Variants in LCMT1 observed in about 807,000 individuals in gnomAD.
LCMT1 encodes leucine carboxyl methyltransferase 1.
Under a neutral mutation model 47.7 loss-of-function variants are expected in LCMT1, and 32 were observed. The ratio of observed to expected loss-of-function variants is 0.67; its 90% CI spans 0.51 to 0.90. LCMT1 has a LOEUF of 0.90. Among genes scored for constraint, LCMT1 ranks in the 40% least tolerant of loss-of-function variants. The pLI is 0.00. For synonymous variants in LCMT1, 152 were observed against 149.7 expected (o/e 1.02, Z -0.11); for missense variants, 375 against 415.2 (o/e 0.90, Z 0.84).
At chr16:25,138,534 G>GTT (rs971295559) in intron 3 of LCMT1, among the ~76,000 whole-genome samples, 4 of 151,896 alleles carry the variant, frequency 2.6e-5, no homozygotes, top group African/African-American at 9.7e-5. Flanking sequence ...TGTGTGTGTG[G>GTT]TTGTGTGTGT....
At chr16:25,119,564 C>G (rs1959903957) in intron 1 of LCMT1, among the ~76,000 whole-genome samples, 1 of 152,050 alleles carries the variant, frequency 6.6e-6, no homozygotes, top group Admixed American at 6.6e-5. Context: ...AGAAAGCAGA[C>G]CGGGGCTTAT....
At chr16:25,137,537 C>G (rs923695688) in intron 3 of LCMT1, among the ~76,000 whole-genome samples, 6 of 152,100 alleles carry the variant, frequency 3.9e-5, no homozygotes, top group Non-Finnish European at 8.8e-5. Flanking sequence ...CTCCTCCTCC[C>G]AGGCTCAAGC....
At chr16:25,143,073 A>AG (rs1204594899) in intron 4 of LCMT1, 1 of 152,166 alleles carries the variant, frequency 6.6e-6, no homozygotes, top group Non-Finnish European at 1.5e-5. Context: ...TAACTTGTAA[A>AG]GGGGTTTTCC....
chr16:25,149,184 T>G (rs1960988954), intron 4 of LCMT1, among the ~76,000 whole-genome samples: 1 of 152,218 alleles, frequency 6.6e-6, no homozygotes, highest in Non-Finnish European at 1.5e-5. Context: ...CCAGGACTGC[T>G]TTGAATGTGG....
At chr16:25,127,546 C>T (rs1960225417) in intron 1 of LCMT1, among the ~76,000 whole-genome samples, 1 of 152,160 alleles carries the variant, frequency 6.6e-6, no homozygotes, top group Admixed American at 6.5e-5. Flanking sequence ...AGATTTAAAG[C>T]TGTATTATTT....
At chr16:25,118,263 C>T (rs868167630) in intron 1 of LCMT1, among the ~76,000 whole-genome samples, 3 of 152,064 alleles carry the variant, frequency 2.0e-5, no homozygotes, top group Admixed American at 6.6e-5. Context: ...TTCCCTCCCC[C>T]GTCACCGCCA....
At chr16:25,113,862 C>T (rs1449012247) in intron 1 of LCMT1, among the ~76,000 whole-genome samples, 2 of 152,244 alleles carry the variant, frequency 1.3e-5, no homozygotes, top group Admixed American at 1.3e-4. Flanking sequence ...TTTCGAACTC[C>T]TGAACTCAAG....
intron 10 of LCMT1, among the ~76,000 whole-genome samples, chr16:25,176,764 G>A (rs1961958175): frequency 6.7e-6 from 1 of 150,226 alleles, no homozygotes. Context: ...GTTTCACCAT[G>A]TTGGCCAGGC....
At chr16:25,116,712 C>G (rs1276392807) in intron 1 of LCMT1, among the ~76,000 whole-genome samples, 5 of 143,260 alleles carry the variant, frequency 3.5e-5, no homozygotes, top group African/African-American at 1.3e-4. Flanking sequence ...GAAACCTCCT[C>G]TCCACAAAAA....
chr16:25,178,029 C>G lies in LCMT1; in HGVS notation c.*6C>G, dbSNP rs767658472. On this transcript the variant is annotated 3_prime_UTR_variant, in exon 11 of 11. Coordinates refer to ENST00000399069, the MANE Select transcript of LCMT1 (RefSeq NM_016309.3). ...TGAAGGAGATAACTTATTAATCTGT[C>G]GAAGGCTTATGCCGAGCCAGAAGCC... 9.9e-6 allele frequency: 16 copies of G among 1,613,582 alleles called. No individual in the cohort carries two copies. The highest frequency in any genetic ancestry group is 1.4e-5 in the Non-Finnish European group (16 of 1,179,742).
At chr16:25,143,250 T>C (rs1960749649) in intron 4 of LCMT1, 1 of 152,216 alleles carries the variant, frequency 6.6e-6, no homozygotes, top group South Asian at 2.1e-4. Context: ...AGTCTTAGGC[T>C]GCACGAAGGG....
intron 4 of LCMT1, chr16:25,149,055 G>C (rs1024032104): frequency 3.3e-5 from 5 of 152,252 alleles, no homozygotes; most frequent in African/African-American, 1.2e-4. Context: ...ATGCGGGTCA[G>C]CATATCTAGT....
At chr16:25,124,288 A>G (rs1256842967) in intron 1 of LCMT1, among the ~76,000 whole-genome samples, 4 of 152,238 alleles carry the variant, frequency 2.6e-5, no homozygotes, top group African/African-American at 9.6e-5. Flanking sequence ...TTACGTGTAC[A>G]TGTATACAGA....
rs796965006 is a variant in LCMT1, at chr16:25,119,301, G to A, written c.113+7305G>A. 1.3e-4 allele frequency among the ~76,000 whole-genome samples: 19 copies of A among 151,936 alleles called. 1 individual carries two copies. The highest frequency in any genetic ancestry group is 4.1e-4 in the African/African-American group (17 of 41,426). On this transcript the variant is annotated intron_variant, in intron 1 of 10. Transcript: ENST00000399069. ...GATCTAGCTTCTGTTAAATGTTCTC[G>A]TAACACCCTGTTCATCTTCTTGGTG...
chr16:25,126,328 TCTTA>T (rs1299234100), intron 1 of LCMT1, among the ~76,000 whole-genome samples: 4 of 152,266 alleles, frequency 2.6e-5, no homozygotes, highest in Non-Finnish European at 1.5e-5. Flanking sequence ...CTCCCCAGTT[TCTTA>T]CTGTCCTCCG....
intron 4 of LCMT1, among the ~76,000 whole-genome samples, chr16:25,150,140 C>T (rs543843392): frequency 1.3e-5 from 2 of 152,082 alleles, no homozygotes; most frequent in South Asian, 4.1e-4. Context: ...TTAAGTGCTT[C>T]ACTTGGATTG....
rs185411668 is a variant in LCMT1 at position 25,118,827 on chromosome 16, A to T, written c.113+6831A>T. Among the ~76,000 whole-genome samples, 191 of 152,026 alleles carry T rather than the reference A, an allele frequency of 1.3e-3. 1 individual carries two copies. Among genetic ancestry groups the T allele is most frequent in the African/African-American group, 4.4e-3 (184 of 41,456 alleles). Reference sequence around the variant, plus strand: ...GGTGAGGGATGGGGATGAGTGCAGGATAGATCTCGGAGAGCATGGGTGCAG... The same window carrying T: ...GGTGAGGGATGGGGATGAGTGCAGGTTAGATCTCGGAGAGCATGGGTGCAG... On this transcript the variant is annotated intron_variant, in intron 1 of 10. Coordinates refer to ENST00000399069, the MANE Select transcript of LCMT1 (RefSeq NM_016309.3).
chr16:25,135,281 T>TAAAAAAAAAAAAAAA (rs1316661688), intron 3 of LCMT1, among the ~76,000 whole-genome samples: 11 of 131,508 alleles, frequency 8.4e-5, no homozygotes, highest in African/African-American at 3.0e-4. Context: ...AAGTTTCTTT[T>TAAAAAAAAAAAAAAA]AAAATATATA....
intron 10 of LCMT1, among the ~76,000 whole-genome samples, chr16:25,176,425 A>C (rs1961940778): frequency 6.6e-6 from 1 of 152,038 alleles, no homozygotes; most frequent in Non-Finnish European, 1.5e-5. Flanking sequence ...TTCCAGGTTG[A>C]CATGAGACTG....
Sources: gnomAD v4.1 joint callset for allele counts (sites outside exome capture counted in the v4.1 genomes callset) on GRCh38, gnomAD v4.1.1 for gene constraint, MANE v1.5 for transcripts, NCBI Gene and HGNC (gene_info 2026-07-23, HGNC 2026-07-21) for gene names.